Variants in FBXO11 observed in about 807,000 individuals in gnomAD.
The protein encoded by FBXO11 is F-box only protein 11.
Under a neutral mutation model 117.0 loss-of-function variants are expected in FBXO11, and 13 were observed. That is an observed-to-expected ratio of 0.11 (90% CI 0.07 to 0.18). The LOEUF is 0.18. Ranked by LOEUF, FBXO11 falls within the 10% of genes least tolerant of loss-of-function variation. The pLI, the probability that FBXO11 is intolerant of heterozygous loss-of-function variation, is 1.00. For missense variants in FBXO11, 767 were observed against 1,164.4 expected (o/e 0.66, Z 4.97); for synonymous variants, 490 against 380.5 (o/e 1.29, Z -3.35).
At chr2:47,880,064 C>CG (rs1209821528) in intron 1 of FBXO11, among the ~76,000 whole-genome samples, 1 of 151,744 alleles carries the variant, frequency 6.6e-6, no homozygotes, top group African/African-American at 2.4e-5. Context: ...GGTGCAATCT[C>CG]GGTTTACTGC....
At chr2:47,840,411 G>GT (rs759213861) in intron 1 of FBXO11, among the ~76,000 whole-genome samples, 129 of 151,330 alleles carry the variant, frequency 8.5e-4, no homozygotes, top group Non-Finnish European at 1.3e-3. Flanking sequence ...TACCAGGTAG[G>GT]TTAAAAAGGG....
At chr2:47,843,169 T>C (rs1187280133) in intron 1 of FBXO11, among the ~76,000 whole-genome samples, 3 of 152,226 alleles carry the variant, frequency 2.0e-5, no homozygotes, top group East Asian at 3.8e-4. Flanking sequence ...CTCTCTCCCT[T>C]TGAGGTCTAA....
chr2:47,889,509 T>C (rs1333181909), intron 1 of FBXO11, among the ~76,000 whole-genome samples: 6 of 152,206 alleles, frequency 3.9e-5, no homozygotes, highest in Non-Finnish European at 7.3e-5. Flanking sequence ...CAAGTGAGTG[T>C]GAGATGAGTC....
At chr2:47,825,014 C>CTG (rs1338886585) in intron 11 of FBXO11, among the ~76,000 whole-genome samples, 1 of 152,088 alleles carries the variant, frequency 6.6e-6, no homozygotes, top group Non-Finnish European at 1.5e-5. Context: ...CTGTAAGCTC[C>CTG]TGTCTGGACT....
intron 1 of FBXO11, among the ~76,000 whole-genome samples, chr2:47,849,361 T>C (rs1324666566): frequency 6.6e-6 from 1 of 152,234 alleles, no homozygotes; most frequent in Non-Finnish European, 1.5e-5. Flanking sequence ...TACTGTTACA[T>C]AATACTTCCA....
intron 1 of FBXO11, among the ~76,000 whole-genome samples, chr2:47,903,091 A>G (rs1437025345): frequency 6.6e-6 from 1 of 152,210 alleles, no homozygotes; most frequent in African/African-American, 2.4e-5. Context: ...GAGTATTCTT[A>G]GTTAACTTCT....
chr2:47,817,886 G>A lies in FBXO11; in HGVS notation c.2006+893C>T, dbSNP rs552032857. On this transcript the variant is annotated intron_variant, in intron 16 of 22. Transcript: ENST00000403359. ...GATCAGGGTGGGTGTGGTGGCTCAC[G>A]CCTGTGATCCCAGCACTTTGGGAGG... Among the ~76,000 whole-genome samples the A allele has an allele frequency of 1.7e-3, 258 of 152,290 alleles. 2 individuals carry two copies. Among genetic ancestry groups the A allele is most frequent in the East Asian group, 2.9e-3 (15 of 5,172 alleles).
intron 14 of FBXO11, among the ~76,000 whole-genome samples, chr2:47,819,460 C>A (rs966047046): frequency 6.6e-6 from 1 of 152,148 alleles, no homozygotes; most frequent in Non-Finnish European, 1.5e-5. Flanking sequence ...GTGATCCACC[C>A]GCGTTGGCCT....
intron 7 of FBXO11, among the ~76,000 whole-genome samples, chr2:47,833,859 G>C (rs1672354861): frequency 6.6e-6 from 1 of 151,294 alleles, no homozygotes. Flanking sequence ...GTAAAGATGG[G>C]GTTTCACCAT....
At chr2:47,895,657 G>A (rs899414514) in intron 1 of FBXO11, among the ~76,000 whole-genome samples, 1 of 152,178 alleles carries the variant, frequency 6.6e-6, no homozygotes, top group Non-Finnish European at 1.5e-5. Context: ...AAGATTAGCA[G>A]AAATTATTTC....
intron 1 of FBXO11, among the ~76,000 whole-genome samples, chr2:47,856,771 A>G (rs1057369609): frequency 6.6e-6 from 1 of 152,248 alleles, no homozygotes; most frequent in African/African-American, 2.4e-5. Context: ...CTTCACTAAC[A>G]ATAGGATAAT....
intron 1 of FBXO11, among the ~76,000 whole-genome samples, chr2:47,859,934 T>A (rs1296052924): frequency 6.6e-6 from 1 of 152,212 alleles, no homozygotes. Flanking sequence ...AGTTTGAGAT[T>A]CTCATGAAAA....
intron 16 of FBXO11, among the ~76,000 whole-genome samples, chr2:47,815,242 G>C (rs1670928273): frequency 6.6e-6 from 1 of 152,200 alleles, no homozygotes; most frequent in African/African-American, 2.4e-5. Flanking sequence ...AAAGGATCTG[G>C]CCTAACGGTG....
intron 4 of FBXO11, among the ~76,000 whole-genome samples, chr2:47,837,875 C>CAGG (rs1199355499): frequency 6.6e-6 from 1 of 152,002 alleles, no homozygotes; most frequent in Non-Finnish European, 1.5e-5. Flanking sequence ...GGACCACAGG[C>CAGG]AGGAGCCACC....
intron 12 of FBXO11, among the ~76,000 whole-genome samples, chr2:47,822,685 T>A (rs146568207): frequency 6.6e-6 from 1 of 152,232 alleles, no homozygotes; most frequent in Non-Finnish European, 1.5e-5. Flanking sequence ...TTCTACAATT[T>A]TGGCTTATTA....
At chr2:47,882,496 T>C (rs1439260275) in intron 1 of FBXO11, among the ~76,000 whole-genome samples, 1 of 152,244 alleles carries the variant, frequency 6.6e-6, no homozygotes, top group African/African-American at 2.4e-5. Flanking sequence ...GGTTTTCTTC[T>C]ATAGGGGTTT....
chr2:47,839,166 GAACT>G (rs1672829819), intron 3 of FBXO11, among the ~76,000 whole-genome samples, 163 bp from the exon 4 acceptor site: 1 of 150,476 alleles, frequency 6.6e-6, no homozygotes, highest in South Asian at 2.1e-4. Context: ...TCTCTATCCT[GAACT>G]AACAAAAGTA....
intron 1 of FBXO11, among the ~76,000 whole-genome samples, chr2:47,840,266 A>C (rs948710907): frequency 1.3e-5 from 2 of 152,066 alleles, no homozygotes; most frequent in South Asian, 2.1e-4. Flanking sequence ...TTTTAAAAAA[A>C]GGTGAGGAGG....
chr2:47,825,052 G>C (rs1553338987), intron 11 of FBXO11, among the ~76,000 whole-genome samples: 1 of 152,172 alleles, frequency 6.6e-6, no homozygotes, highest in East Asian at 1.9e-4. Flanking sequence ...ATGTATGTAA[G>C]ACTTTACACA....
Sources: allele counts gnomAD v4.1 joint callset (sites outside exome capture counted in the v4.1 genomes callset), GRCh38; gene constraint gnomAD v4.1.1; transcripts MANE v1.5; gene names NCBI Gene and HGNC (gene_info 2026-07-23, HGNC 2026-07-21).